Variants in HCFC1 observed in about 807,000 individuals in gnomAD.
The protein encoded by HCFC1 is host cell factor 1.
Under a neutral mutation model 105.5 loss-of-function variants are expected in HCFC1, and 7 were observed. That is an observed-to-expected ratio of 0.07 (90% confidence interval 0.04 to 0.12). The LOEUF is 0.12. HCFC1 is among the 10% of genes least tolerant of loss of function. The pLI is 1.00. For missense variants in HCFC1, 1,065 were observed against 1,823.6 expected (o/e 0.58, Z 7.58); for synonymous variants, 918 against 828.1 (o/e 1.11, Z -1.86).
chrX:153,954,282 C>A lies in HCFC1; in HGVS notation c.4117G>T (p.Val1373Leu), dbSNP rs782410390. 5 of 1,199,989 alleles carry A rather than the reference C, an allele frequency of 4.2e-6. No individual in the cohort carries two copies. The highest frequency in any genetic ancestry group is 3.4e-6 in the Non-Finnish European group (3 of 888,048). The stretch of plus-strand genomic sequence containing the variant: ...GTGGCGTCGGGAAGCAGGGCACCCA[C>A]GCTGACCGACATGGTGGTGCCAGTG... ...TSTGTTMSVSVGALLPDATSS... is the reference protein window; with the variant it reads ...TSTGTTMSVSLGALLPDATSS... Residue 1373 changes from valine (V) to leucine (L), a missense_variant, in exon 17 of 26, where the codon GTG (valine) becomes TTG (leucine). Physicochemically the swap from Val to Leu is conservative, Grantham distance 32. Around this residue, in one of 17 missense-constraint regions of HCFC1, gnomAD observed 546 missense variants for 599.9 expected, o/e 0.91. Coordinates refer to ENST00000310441, the MANE Select transcript of HCFC1 (RefSeq NM_005334.3).
chrX:153,954,106 G>C lies in HCFC1; in HGVS notation c.4293C>G (p.His1431Gln). Residue 1431 changes from histidine to glutamine, a missense_variant, in exon 17 of 26, where the codon CAC becomes CAG. Coordinates refer to ENST00000310441, the MANE Select transcript of HCFC1 (RefSeq NM_005334.3). ...TGTTGGAAGTGACAGTGGTGGCCGT[G>C]TGAGTGGTGCCCGTCTCGTGGGTCT... ...PCETHETGTT[H>Q]TATTVTSNMS... The C allele has an allele frequency of 8.3e-7, 1 of 1,209,275 alleles. No individual in the cohort carries two copies. Among genetic ancestry groups the C allele is most frequent in the Non-Finnish European group, 1.1e-6 (1 of 893,715 alleles).
intron 24 of HCFC1, 25 bp downstream of exon 24, chrX:153,950,218 G>A (rs202219588): frequency 1.5e-5 from 17 of 1,139,477 alleles, no homozygotes; most frequent in Non-Finnish European, 2.0e-5. Context: ...CCCTGTGCCT[G>A]AAGAGCTCCA....
chrX:153,953,879 G>A, intron 17 of HCFC1, 109 bp from the exon 18 acceptor site: 11 of 945,186 alleles, frequency 1.2e-5, no homozygotes, highest in Non-Finnish European at 1.6e-5. Context: ...AGATAAGGCA[G>A]GACAGGCTCC....
In HCFC1 at chrX:153,948,720, C is replaced by T. The variant is rs1557111634; in HGVS notation, c.*627G>A. The T allele has an allele frequency of 8.9e-6, 1 of 112,395 alleles. No homozygotes were observed. The highest frequency in any genetic ancestry group is 1.9e-5 in the Non-Finnish European group (1 of 53,196). The allele number at this position is 112,395 out of a possible 1,213,427, so 9.3% of individuals were successfully genotyped here. A position where few individuals can be genotyped will look rare whatever the true frequency, so the allele number is the denominator to read the frequency against. On this transcript the variant is annotated 3_prime_UTR_variant, in exon 26 of 26. Transcript: ENST00000310441. ...CCAGGCCGCCGCGGGGCTCCTTGCC[C>T]CTTTTTTCTTTTTCCTTCTTTTCTT...
Position 153,951,802 on chromosome X carries a change from C to T in HCFC1, c.5260+39G>A, listed in dbSNP as rs782195775. 6 of 1,169,464 alleles carry T rather than the reference C, an allele frequency of 5.1e-6. No individual in the cohort carries two copies. The Admixed American group carries it at 1.2e-4, about 24-fold the overall frequency. The stretch of plus-strand genomic sequence containing the variant: ...GTCCTGCCCTCACCTCCCTGGGTGC[C>T]CCCACCACCCCAGCACCAATTCGCC... On this transcript the variant is annotated intron_variant, in intron 20 of 25. Coordinates refer to ENST00000310441, the MANE Select transcript of HCFC1 (RefSeq NM_005334.3).
At chrX:153,953,056 G>T in intron 18 of HCFC1, 98 bp from the exon 19 acceptor site, 1 of 664,802 alleles carries the variant, frequency 1.5e-6, no homozygotes, top group Non-Finnish European at 2.4e-6. Flanking sequence ...AGTAGTCAGA[G>T]CCCTTGGGGC....
intron 23 of HCFC1, 34 bp downstream of exon 23, chrX:153,950,779 C>G (rs782349010): frequency 4.2e-6 from 5 of 1,192,576 alleles, no homozygotes; most frequent in African/African-American, 3.5e-5. Flanking sequence ...AGAAACCAAC[C>G]AGGGACAGAC....
Position 153,960,124 on chromosome X carries a change from G to A in HCFC1, c.1122C>T (p.Arg374=), listed in dbSNP as rs781840891. ...PPPPARVQLV[R]ANTNSLEVSW... ...TCACCTCCAGGGAGTTGGTGTTGGCGCGTACCAGTTGTACTCGGGCTGGGG... is the reference window on the plus strand; with the variant it reads ...TCACCTCCAGGGAGTTGGTGTTGGCACGTACCAGTTGTACTCGGGCTGGGG... The change falls in exon 8 of 26, where the codon CGC becomes CGT. Residue 374 remains arginine, a synonymous_variant. Transcript: ENST00000310441. 28 of 1,209,149 alleles carry A rather than the reference G, an allele frequency of 2.3e-5. No homozygotes were observed. In the East Asian group the frequency reaches 4.1e-4, roughly 18 times the overall value.
chrX:153,967,493 T>A (rs1210636161), intron 1 of HCFC1, among the ~76,000 whole-genome samples: 1 of 112,125 alleles, frequency 8.9e-6, no homozygotes, highest in Non-Finnish European at 1.9e-5. Context: ...GCTGCCTTCC[T>A]CTCTGTTCTA....
Position 153,948,625 on chromosome X carries a change from G to A in HCFC1, c.*722C>T, listed in dbSNP as rs1557111586. On this transcript the variant is annotated 3_prime_UTR_variant, in exon 26 of 26. Coordinates refer to ENST00000310441, the MANE Select transcript of HCFC1 (RefSeq NM_005334.3). Reference sequence around the variant, plus strand: ...AATGAAAGTGTGAACTTCACCAATTGCAACCTAAAAAACACAACAAATGCA... The same window carrying A: ...AATGAAAGTGTGAACTTCACCAATTACAACCTAAAAAACACAACAAATGCA... The A allele has an allele frequency of 8.8e-6, 1 of 113,564 alleles. No homozygotes were observed. 9.4% of individuals were successfully genotyped at this position (113,564 alleles called of 1,213,427 possible). A position where few individuals can be genotyped will look rare whatever the true frequency, so the allele number is the denominator to read the frequency against.
rs1057506052 is a variant in HCFC1, at chrX:153,949,153, C to T, written c.*194G>A. The T allele has an allele frequency of 7.4e-6, 3 of 404,284 alleles. No individual in the cohort carries two copies. The highest frequency in any genetic ancestry group is 2.6e-5 in the African/African-American group (1 of 39,211). 33.3% of individuals were successfully genotyped at this position (404,284 alleles called of 1,213,427 possible). On this transcript the variant is annotated 3_prime_UTR_variant, in exon 26 of 26. Coordinates refer to ENST00000310441, the MANE Select transcript of HCFC1 (RefSeq NM_005334.3). ...GCTTTCCCATCTGCCTCTGCTTCCT[C>T]CCAACAGCAATGGTAAAATGTGCTT...
chrX:153,957,561 C>T (rs367722891), intron 12 of HCFC1, 28 bp from the exon 13 acceptor site: 2 of 1,094,447 alleles, frequency 1.8e-6, no homozygotes, highest in Non-Finnish European at 1.3e-6. Flanking sequence ...GTGCATGAGC[C>T]GGCATCACTG....
intron 4 of HCFC1, 56 bp from the exon 5 acceptor site, chrX:153,962,362 C>T: frequency 1.1e-6 from 1 of 891,694 alleles, no homozygotes; most frequent in South Asian, 2.1e-5. Flanking sequence ...ACAGGTCGTT[C>T]CCTGGATTCA....
Position 153,951,474 on chromosome X carries a change from G to A in HCFC1, c.5393C>T (p.Pro1798Leu), listed in dbSNP as rs1557112422. 8.3e-7 allele frequency: 1 copy of A among 1,210,991 alleles called. No homozygotes were observed. The highest frequency in any genetic ancestry group is 1.1e-6 in the Non-Finnish European group (1 of 895,224). The change falls in exon 22 of 26, where the codon CCG becomes CTG. Residue 1798 changes from proline to leucine, a missense_variant. Around this residue, in one of 17 missense-constraint regions of HCFC1, gnomAD observed 115 missense variants for 143.7 expected, o/e 0.80. Coordinates refer to ENST00000310441, the MANE Select transcript of HCFC1 (RefSeq NM_005334.3). The part of the protein sequence containing the change: ...IESLGVKPDL[P>L]PPPSKAPMKK... Reference sequence around the variant, plus strand: ...CATGGGGGCTTTGCTGGGTGGGGGCGGCAGGTCTGGCTTCTGCAAGACAGA... The same window carrying A: ...CATGGGGGCTTTGCTGGGTGGGGGCAGCAGGTCTGGCTTCTGCAAGACAGA...
rs781797804 is a variant in HCFC1 at position 153,956,814 on chromosome X, G to A, written c.2497-51C>T. On this transcript the variant is annotated intron_variant, in intron 14 of 25. Transcript: ENST00000310441. ...CAACGTCACCACCAGGCTGGTAGAT[G>A]CCACCGATGCTGCCCCTCCCAGGCC... is the stretch of plus-strand genomic sequence containing the variant. 2.2e-5 allele frequency: 27 copies of A among 1,205,022 alleles called. No homozygotes were observed. The South Asian group carries it at 3.9e-4, about 17-fold the overall frequency.
Position 153,970,882 on chromosome X carries a change from G to A in HCFC1, c.-42C>T, listed in dbSNP as rs975858047. On this transcript the variant is annotated 5_prime_UTR_variant, in exon 1 of 26. Transcript: ENST00000310441. Reference sequence around the variant, plus strand: ...GCGGTGGGGAGAAGTCAACAAGCGGGAAGGGAGCCCCTCAATTCCTTTCAC... The same window carrying A: ...GCGGTGGGGAGAAGTCAACAAGCGGAAAGGGAGCCCCTCAATTCCTTTCAC... The A allele has an allele frequency of 9.4e-7, 1 of 1,065,960 alleles. No individual in the cohort carries two copies. The highest frequency in any genetic ancestry group is 1.9e-5 in the African/African-American group (1 of 52,374). The allele number at this position is 1,065,960 out of a possible 1,213,427, so 87.8% of individuals were successfully genotyped here.
At chrX:153,955,607 T>C in intron 16 of HCFC1, 65 bp from the exon 17 acceptor site, 1 of 1,047,046 alleles carries the variant, frequency 9.6e-7, no homozygotes, top group African/African-American at 1.9e-5. Flanking sequence ...CCTCCCACTG[T>C]CCTGCACTGT....
chrX:153,956,168 C>G (rs1557114869), intron 16 of HCFC1, 23 bp downstream of exon 16: 1 of 1,187,502 alleles, frequency 8.4e-7, no homozygotes, highest in African/African-American at 1.8e-5. Context: ...CTCGCCCACA[C>G]GTGGCCTCAG....
chrX:153,958,680 T>C lies in HCFC1; in HGVS notation c.1692A>G (p.Ala564=), dbSNP rs1557115878. 2.5e-6 allele frequency: 3 copies of C among 1,201,064 alleles called. No homozygotes were observed. The highest frequency in any genetic ancestry group is 4.4e-5 in the Admixed American group (2 of 45,112). ...AATQKIPPSS[A]PTVLSVPAGT... ...CCGCTGGGACACTCAGCACCGTGGGTGCCGAGGAAGGGGGGATCTTCTGGG... is the reference window on the plus strand; with the variant it reads ...CCGCTGGGACACTCAGCACCGTGGGCGCCGAGGAAGGGGGGATCTTCTGGG... The change falls in exon 10 of 26, where the codon GCA becomes GCG. Residue 564 remains alanine, a synonymous_variant. Coordinates refer to ENST00000310441, the MANE Select transcript of HCFC1 (RefSeq NM_005334.3).
Sources: gnomAD v4.1 joint callset for allele counts (sites outside exome capture counted in the v4.1 genomes callset) on GRCh38, gnomAD v4.1.1 for gene constraint, gnomAD v4.1.1 regional missense constraint, MANE v1.5 for transcripts, NCBI Gene and HGNC (gene_info 2026-07-23, HGNC 2026-07-21) for gene names.